The following EIF3C variants were observed in gnomAD, a reference collection of about 807,000 sequenced individuals.
The protein encoded by EIF3C is cell migration-inducing protein 17.
Under a neutral mutation model 11.1 loss-of-function variants are expected in EIF3C, and 2 were observed. The ratio of observed to expected loss-of-function variants is 0.18; its 90% CI spans 0.07 to 0.57. The LOEUF (loss-of-function observed/expected upper bound fraction) is 0.57. Among genes scored for constraint, EIF3C ranks in the 20% least tolerant of loss-of-function variants. The pLI, the probability that EIF3C is intolerant of heterozygous loss-of-function variation, is 0.92. For missense variants in EIF3C, 16 were observed against 114.6 expected, an observed-to-expected ratio of 0.14 and a Z score of 3.93; for synonymous variants, 2 against 41.5, an observed-to-expected ratio of 0.05 and a Z score of 3.66.
In EIF3C at chr16:28,723,233, C is replaced by T. The variant is rs145508642; in HGVS notation, c.846C>T (p.His282=). ...GGGAGGACAAAGCTAAGAAGAAGCA[C>T]GACAGGAAATCCAAGCGCCTGGATG... ...KKREDKAKKK[H]DRKSKRLDEE... The change falls in exon 9 of 21, where the codon CAC becomes CAT. Residue 282 remains histidine, a synonymous_variant. Transcript: ENST00000331666. The T allele has an allele frequency of 6.2e-3, 10,014 of 1,608,182 alleles. No individual in the cohort carries two copies. The African/African-American group carries it at 0.12, about 20-fold the overall frequency.
intron 8 of EIF3C, 41 bp from the exon 9 acceptor site, chr16:28,723,123 G>C (rs1458273939): frequency 1.2e-6 from 2 of 1,605,856 alleles, no homozygotes; most frequent in African/African-American, 1.4e-5. Flanking sequence ...TTAGAGGTGG[G>C]GAGGGGCTGA....
At chr16:28,712,285 A>T (rs2048306975) in intron 2 of EIF3C, 2 of 61,808 alleles carry the variant, frequency 3.2e-5, no homozygotes, top group Non-Finnish European at 6.9e-5. Flanking sequence ...TTTTTTTTTT[A>T]CCCTTTGGAA....
chr16:28,698,541 C>T (rs1200030484), intron 1 of EIF3C, among the ~76,000 whole-genome samples: 1 of 94,158 alleles, frequency 1.1e-5, no homozygotes, highest in Non-Finnish European at 1.9e-5. Context: ...TGACCCCCCC[C>T]ACCTCCCTCC....
intron 16 of EIF3C, among the ~76,000 whole-genome samples, chr16:28,732,959 CA>C (rs2048460361): frequency 1.1e-5 from 1 of 89,482 alleles, no homozygotes; most frequent in Non-Finnish European, 2.2e-5. Flanking sequence ...TGCTTCTCCA[CA>C]GTCCCTGCCT....
chr16:28,691,919 C>T (rs1213396053), intron 1 of EIF3C, among the ~76,000 whole-genome samples: 1 of 145,874 alleles, frequency 6.9e-6, no homozygotes, highest in Non-Finnish European at 1.5e-5. Flanking sequence ...TCAGGCGACC[C>T]TTCCACCTAA....
chr16:28,711,983 A>G (rs1332763013), intron 2 of EIF3C, 196 bp downstream of exon 2: 1 of 14,396 alleles, frequency 6.9e-5, no homozygotes, highest in African/African-American at 2.5e-4. Flanking sequence ...GCCACCCACC[A>G]GGCACAAGGG....
intron 1 of EIF3C, among the ~76,000 whole-genome samples, chr16:28,698,200 G>A (rs1307645401): frequency 2.8e-4 from 34 of 120,420 alleles, no homozygotes; most frequent in African/African-American, 9.3e-4. Flanking sequence ...CAGTAGGGGC[G>A]GCCGGGCAGA....
chr16:28,690,711 CA>C (rs1305247486), intron 1 of EIF3C, among the ~76,000 whole-genome samples: 1 of 960 alleles, frequency 1.0e-3, no homozygotes, highest in Non-Finnish European at 1.5e-3. Flanking sequence ...AAGTCCATCT[CA>C]AAAAAAAATA....
chr16:28,700,803 G>T (rs1448026445), intron 1 of EIF3C: 1 of 118,310 alleles, frequency 8.5e-6, no homozygotes, highest in South Asian at 3.5e-4. Flanking sequence ...CCATGAGGGC[G>T]CATTTCTCCT....
rs1244435449 is a variant in EIF3C, at chr16:28,695,715, C to T, written c.-31+6887C>T. Among the ~76,000 whole-genome samples, 43 of 51,780 alleles carry T rather than the reference C, an allele frequency of 8.3e-4. 18 individuals carry two copies. Among genetic ancestry groups the T allele is most frequent in the Admixed American group, 1.0e-3 (5 of 4,790 alleles). 34.0% of individuals were successfully genotyped at this position (51,780 alleles called of 152,430 possible). A position where few individuals can be genotyped will look rare whatever the true frequency, so the allele number is the denominator to read the frequency against. On this transcript the variant is annotated intron_variant, in intron 1 of 20. Coordinates refer to the EIF3C transcript ENST00000566501. ...CAAGACAGTTAACCAGAGGGCTGGG[C>T]GCAGTGGCTTACACCTGTAATCCCA...
At position 28,695,716 on chromosome 16, in the gene EIF3C, G is replaced by A. The variant is rs1479293548; in HGVS notation, c.-31+6888G>A. Among the ~76,000 whole-genome samples, 3 of 51,840 alleles carry A rather than the reference G, an allele frequency of 5.8e-5. 1 individual carries two copies. The highest frequency in any genetic ancestry group is 1.1e-4 in the Non-Finnish European group (3 of 28,008). 34.0% of individuals were successfully genotyped at this position (51,840 alleles called of 152,430 possible). ...AAGACAGTTAACCAGAGGGCTGGGC[G>A]CAGTGGCTTACACCTGTAATCCCAG... On this transcript the variant is annotated intron_variant, in intron 1 of 20. Transcript: ENST00000566501.
chr16:28,697,718 C>T lies in EIF3C; in HGVS notation c.-31+8890C>T, dbSNP rs1252044899. The stretch of plus-strand genomic sequence containing the variant: ...TGAGCTGTTGGGCACACCTCCCAGA[C>T]GGGGTGGTGGCCGGTCAGAGGGGCT... On this transcript the variant is annotated intron_variant, in intron 1 of 20. Coordinates refer to the EIF3C transcript ENST00000566501. Among the ~76,000 whole-genome samples, 7 of 90,742 alleles carry T rather than the reference C, an allele frequency of 7.7e-5. 1 individual carries two copies. Among genetic ancestry groups the T allele is most frequent in the Non-Finnish European group, 1.4e-4 (7 of 51,718 alleles). 59.5% of individuals were successfully genotyped at this position (90,742 alleles called of 152,430 possible).
chr16:28,728,496 G>T (rs567862350), intron 15 of EIF3C, among the ~76,000 whole-genome samples: 1,269 of 65,292 alleles, frequency 0.019, 78 homozygotes, highest in African/African-American at 0.05. Flanking sequence ...TCTTTTAGGG[G>T]GTGTGTGTGT....
chr16:28,699,482 C>CGGAGAGGGAGAGGGAGAG (rs56382957), intron 1 of EIF3C, among the ~76,000 whole-genome samples: 3 of 84,846 alleles, frequency 3.5e-5, no homozygotes, highest in African/African-American at 1.3e-4. Context: ...GAGACGGAGA[C>CGGAGAGGGAGAGGGAGAG]GGAGAGGGAG....
At chr16:28,728,521 G>GGTGTGTGTGTGT (rs56292996) in intron 15 of EIF3C, among the ~76,000 whole-genome samples, 3 of 87,084 alleles carry the variant, frequency 3.4e-5, no homozygotes, top group South Asian at 3.2e-4. Context: ...ATCTTTTAGG[G>GGTGTGTGTGTGT]GTGTGTGTGT....
chr16:28,697,060 G>A (rs1196582564), intron 1 of EIF3C, among the ~76,000 whole-genome samples: 1 of 32,040 alleles, frequency 3.1e-5, no homozygotes, highest in Non-Finnish European at 5.2e-5. Context: ...CACCTCCTTG[G>A]TTCAAGAGAT....
chr16:28,698,492 A>C (rs1348702742), intron 1 of EIF3C, among the ~76,000 whole-genome samples: 18 of 53,838 alleles, frequency 3.3e-4, no homozygotes, highest in Admixed American at 6.6e-4. Context: ...CTGACCCCCC[A>C]CCTCCCTCCC....
intron 1 of EIF3C, among the ~76,000 whole-genome samples, chr16:28,694,342 A>G (rs201754942): frequency 3.6e-5 from 2 of 55,158 alleles, no homozygotes; most frequent in East Asian, 9.5e-4. Flanking sequence ...CCTGGGTGAC[A>G]AGAGCAAAAC....
chr16:28,694,703 G>GT (rs1311502968), intron 1 of EIF3C, among the ~76,000 whole-genome samples: 222 of 58,808 alleles, frequency 3.8e-3, no homozygotes, highest in Non-Finnish European at 4.0e-3. Flanking sequence ...GGTTTTTTTG[G>GT]TTTTTTTTTT....
Sources: gnomAD v4.1 joint callset for allele counts (sites outside exome capture counted in the v4.1 genomes callset) on GRCh38, gnomAD v4.1.1 for gene constraint, MANE v1.5 for transcripts, NCBI Gene and HGNC (gene_info 2026-07-23, HGNC 2026-07-21) for gene names.